Variants in PALM2AKAP2 observed in about 807,000 individuals in gnomAD.
PALM2AKAP2 encodes PALM2-AKAP2 fusion protein.
Under a neutral mutation model 71.5 loss-of-function variants are expected in PALM2AKAP2, and 37 were observed. The ratio of observed to expected loss-of-function variants is 0.52; its 90% confidence interval spans 0.40 to 0.68. The LOEUF (loss-of-function observed/expected upper bound fraction) is 0.68. Among genes scored for constraint, PALM2AKAP2 ranks in the 30% least tolerant of loss-of-function variants. The pLI is 0.00. For synonymous variants in PALM2AKAP2, 468 were observed against 478.8 expected (o/e 0.98, Z 0.29); for missense variants, 1,224 against 1,191.8 (o/e 1.03, Z -0.40).
chr9:109,932,259 G>A (rs982785673), intron 6 of PALM2AKAP2, among the ~76,000 whole-genome samples: 5 of 152,212 alleles, frequency 3.3e-5, no homozygotes, highest in Non-Finnish European at 2.9e-5. Context: ...TTTCACCTCC[G>A]ACTTCGGGGG....
intron 1 of PALM2AKAP2, among the ~76,000 whole-genome samples, chr9:110,049,386 GCCCC>G (rs1833665501): frequency 6.6e-6 from 1 of 152,144 alleles, no homozygotes; most frequent in African/African-American, 2.4e-5. Context: ...CCGGGCCCCG[GCCCC>G]GGTCCCGGCC....
At chr9:109,656,527 G>C (rs1219794514) in intron 1 of PALM2AKAP2, among the ~76,000 whole-genome samples, 4 of 152,210 alleles carry the variant, frequency 2.6e-5, no homozygotes, top group South Asian at 2.1e-4. Context: ...ACAGTGATCT[G>C]TCTCTGAGTG....
In PALM2AKAP2 at chr9:109,992,462, C is replaced by T. The variant is rs564615630; in HGVS notation, c.497-23492C>T. Among the ~76,000 whole-genome samples, 5 of 152,244 alleles carry T rather than the reference C, an allele frequency of 3.3e-5. No individual in the cohort carries two copies. The South Asian group carries it at 6.2e-4, about 19-fold the overall frequency. On this transcript the variant is annotated intron_variant, in intron 6 of 9. Transcript: ENST00000302798. ...ATTTTGAGACAGGGTCTACTTCTGT[C>T]GCCCAGGCTGGAGTGCAGTGGTGTG...
intron 1 of PALM2AKAP2, among the ~76,000 whole-genome samples, chr9:109,829,393 A>G (rs1355471769): frequency 6.6e-6 from 1 of 152,130 alleles, no homozygotes; most frequent in Non-Finnish European, 1.5e-5. Flanking sequence ...TGAGAGCCTT[A>G]AGGACTAGAG....
intron 1 of PALM2AKAP2, among the ~76,000 whole-genome samples, chr9:110,053,527 C>CAAAAAAAAAAAAAAAAAAAAAAAAA (rs56132919): frequency 1.6e-4 from 13 of 82,860 alleles, no homozygotes; most frequent in Non-Finnish European, 2.5e-4. Context: ...AACTCTGTCT[C>CAAAAAAAAAAAAAAAAAAAAAAAAA]AAAAAAAAAA....
intron 1 of PALM2AKAP2, among the ~76,000 whole-genome samples, chr9:109,689,448 C>A (rs1827851000): frequency 6.6e-6 from 1 of 152,092 alleles, no homozygotes; most frequent in African/African-American, 2.4e-5. Flanking sequence ...GATCCACCCG[C>A]CTCGGCCACC....
intron 7 of PALM2AKAP2, among the ~76,000 whole-genome samples, chr9:110,028,504 A>T (rs1235439284): frequency 4.6e-5 from 7 of 152,228 alleles, no homozygotes; most frequent in African/African-American, 1.7e-4. Context: ...AGAAACTGTT[A>T]TTAATCCCAT....
At chr9:110,066,726 T>C (rs1834088315) in intron 1 of PALM2AKAP2, among the ~76,000 whole-genome samples, 1 of 151,376 alleles carries the variant, frequency 6.6e-6, no homozygotes, top group South Asian at 2.1e-4. Flanking sequence ...TAGGTAAAGA[T>C]TGAAACAGGC....
At chr9:109,813,770 T>C (rs1827783917) in intron 1 of PALM2AKAP2, among the ~76,000 whole-genome samples, 1 of 152,156 alleles carries the variant, frequency 6.6e-6, no homozygotes, top group Admixed American at 6.5e-5. Context: ...ACTCGTGTTG[T>C]CCTGGACTTT....
intron 1 of PALM2AKAP2, among the ~76,000 whole-genome samples, chr9:109,835,178 G>A (rs1161670834): frequency 7.3e-5 from 11 of 151,220 alleles, no homozygotes; most frequent in Admixed American, 7.3e-4. Context: ...AGAGGGTGTA[G>A]GGAAAGAGGA....
chr9:109,866,847 G>A (rs879807102), intron 1 of PALM2AKAP2, among the ~76,000 whole-genome samples: 5 of 152,036 alleles, frequency 3.3e-5, no homozygotes, highest in Non-Finnish European at 5.9e-5. Flanking sequence ...AGTTGGACCC[G>A]GACAGACAGA....
chr9:110,076,473 G>T (rs2479199), intron 1 of PALM2AKAP2, among the ~76,000 whole-genome samples: 1 of 86,478 alleles, frequency 1.2e-5, no homozygotes, highest in Non-Finnish European at 2.2e-5. Context: ...GGATATATAG[G>T]TATATCATAT....
intron 1 of PALM2AKAP2, among the ~76,000 whole-genome samples, chr9:110,098,432 G>A (rs900176216): frequency 1.2e-4 from 18 of 152,290 alleles, no homozygotes; most frequent in African/African-American, 4.3e-4. Context: ...GCACAAGCCT[G>A]TGAAAATACT....
At chr9:109,801,975 G>A (rs532500215) in intron 1 of PALM2AKAP2, among the ~76,000 whole-genome samples, 1 of 152,230 alleles carries the variant, frequency 6.6e-6, no homozygotes, top group East Asian at 1.9e-4. Flanking sequence ...TGATGAATGG[G>A]CAATTTATGA....
intron 1 of PALM2AKAP2, among the ~76,000 whole-genome samples, chr9:109,654,460 A>C (rs1293225313): frequency 6.6e-6 from 1 of 152,176 alleles, no homozygotes; most frequent in Non-Finnish European, 1.5e-5. Flanking sequence ...TGTTAATTAG[A>C]CTGCACAGAA....
upstream of PALM2AKAP2, among the ~76,000 whole-genome samples, chr9:110,044,852 C>A (rs1055669960): frequency 6.6e-6 from 1 of 152,080 alleles, no homozygotes; most frequent in African/African-American, 2.4e-5. Context: ...CTCTGAGACA[C>A]TTCTAAGTCT....
chr9:109,992,192 C>A (rs74612555), intron 6 of PALM2AKAP2, among the ~76,000 whole-genome samples: 2,324 of 152,280 alleles, frequency 0.015, 34 homozygotes, highest in South Asian at 0.04. Flanking sequence ...CTCCCCGAAG[C>A]ATTGCTTGGC....
At chr9:109,930,561 C>T (rs887914992) in intron 5 of PALM2AKAP2, among the ~76,000 whole-genome samples, 2 of 152,212 alleles carry the variant, frequency 1.3e-5, no homozygotes, top group South Asian at 4.1e-4. Flanking sequence ...CTACCTTTGC[C>T]TATGAACATA....
upstream of PALM2AKAP2, among the ~76,000 whole-genome samples, chr9:109,779,174 A>T (rs969540773): frequency 6.6e-6 from 1 of 152,106 alleles, no homozygotes; most frequent in Non-Finnish European, 1.5e-5. Flanking sequence ...TTTGCATATG[A>T]ATGTTGGGAA....
Sources: allele counts gnomAD v4.1 joint callset (sites outside exome capture counted in the v4.1 genomes callset), GRCh38; gene constraint gnomAD v4.1.1; transcripts MANE v1.5; gene names NCBI Gene and HGNC (gene_info 2026-07-23, HGNC 2026-07-21).